The following DCAF17 variants were observed in gnomAD, a reference collection of about 807,000 sequenced individuals.
DCAF17 encodes DDB1 and CUL4 associated factor 17.
In DCAF17, 48 loss-of-function variants were observed where a neutral mutation model predicts 66.0. That is an observed-to-expected ratio of 0.73 (90% confidence interval 0.58 to 0.92). The LOEUF (loss-of-function observed/expected upper bound fraction) is 0.92, where lower values mean the gene tolerates loss of function less well. DCAF17 is among the 40% of genes least tolerant of loss of function. DCAF17 has a pLI of 0.00. For synonymous variants in DCAF17, 206 were observed against 214.6 expected (o/e 0.96, Z 0.35); for missense variants, 562 against 622.8 (o/e 0.90, Z 1.04).
At chr2:171,472,832 A>G in intron 9 of DCAF17, 1 of 272,532 alleles carries the variant, frequency 3.7e-6, no homozygotes, top group Non-Finnish European at 7.8e-6. Context: ...ACTCATGAAT[A>G]TCTAGTAGGA....
intron 9 of DCAF17, among the ~76,000 whole-genome samples, chr2:171,470,321 T>C (rs1404362062): frequency 6.6e-6 from 1 of 152,200 alleles, no homozygotes; most frequent in Non-Finnish European, 1.5e-5. Context: ...GTTCAGCTTA[T>C]GCTGACCTTG....
In DCAF17 at chr2:171,454,748, T is replaced by C. The variant is rs532354463; in HGVS notation, c.627+1535T>C. Among the ~76,000 whole-genome samples, 125 of 152,030 alleles carry C rather than the reference T, an allele frequency of 8.2e-4. No homozygotes were observed. The South Asian group carries it at 0.026, about 31-fold the overall frequency. On this transcript the variant is annotated intron_variant, in intron 6 of 13. Transcript: ENST00000375255. ...CCCGTCTCTACTAAAAATATAAAAATTAGCCACGGGTGGTAGTGCACACCT... is the reference window on the plus strand; with the variant it reads ...CCCGTCTCTACTAAAAATATAAAAACTAGCCACGGGTGGTAGTGCACACCT...
In DCAF17 at chr2:171,434,434, C is replaced by T; in HGVS notation, c.-144C>T. The stretch of plus-strand genomic sequence containing the variant: ...TCGCCCCGCCGTCGGGTGCTCCCTG[C>T]CCGCCTCCCCGTGTCAGCTTTCCCT... On this transcript the variant is annotated 5_prime_UTR_variant, in exon 1 of 14. Coordinates refer to ENST00000375255, the MANE Select transcript of DCAF17 (RefSeq NM_025000.4). 3.5e-6 allele frequency: 5 copies of T among 1,420,070 alleles called. No individual in the cohort carries two copies. The highest frequency in any genetic ancestry group is 2.5e-5 in the East Asian group (1 of 39,422). 88.0% of individuals were successfully genotyped at this position (1,420,070 alleles called of 1,614,324 possible).
chr2:171,447,368 C>CT (rs1694689609), intron 3 of DCAF17: 7 of 363,688 alleles, frequency 1.9e-5, no homozygotes, highest in Admixed American at 6.7e-5. Context: ...TTCTTTCTTT[C>CT]TTTTTTTCTT....
chr2:171,458,235 G>T, intron 7 of DCAF17, 137 bp from the exon 8 acceptor site: 1 of 1,015,530 alleles, frequency 9.8e-7, no homozygotes, highest in Non-Finnish European at 1.5e-6. Flanking sequence ...TTAAAGCAGG[G>T]GTGGGGAAGA....
At chr2:171,443,370 G>C in intron 2 of DCAF17, 153 bp from the exon 3 acceptor site, 1 of 589,574 alleles carries the variant, frequency 1.7e-6, no homozygotes, top group Non-Finnish European at 2.9e-6. Flanking sequence ...TGAATTATGT[G>C]ATCAGAAAAA....
chr2:171,475,212 T>C (rs1221208248), intron 10 of DCAF17, among the ~76,000 whole-genome samples: 2 of 152,224 alleles, frequency 1.3e-5, no homozygotes, highest in African/African-American at 4.8e-5. Flanking sequence ...CCAGCTTCAA[T>C]GTCACTTTTC....
rs184741043 is a variant in DCAF17 at position 171,481,568 on chromosome 2, A to G, written c.*454A>G. The G allele has an allele frequency of 1.5e-5, 7 of 454,032 alleles. No individual in the cohort carries two copies. The highest frequency in any genetic ancestry group is 2.6e-5 in the Non-Finnish European group (6 of 226,816). 28.1% of individuals were successfully genotyped at this position (454,032 alleles called of 1,614,324 possible). On this transcript the variant is annotated 3_prime_UTR_variant, in exon 14 of 14. Transcript: ENST00000375255. The stretch of plus-strand genomic sequence containing the variant: ...CCTCTATACCAAACTTTGCTTAAGG[A>G]TGAGAAATGAGATGTGTTATGTGAG...
At chr2:171,435,021 T>C in intron 1 of DCAF17, 62 bp from the exon 2 acceptor site, 1 of 1,341,692 alleles carries the variant, frequency 7.5e-7, no homozygotes. Flanking sequence ...GCTTTGAAAA[T>C]TTAAAATCTA....
intron 3 of DCAF17, among the ~76,000 whole-genome samples, chr2:171,446,851 A>T (rs1318532004): frequency 6.6e-6 from 1 of 152,220 alleles, no homozygotes; most frequent in Non-Finnish European, 1.5e-5. Context: ...TGAAATTTTA[A>T]TAAGATGTTT....
intron 2 of DCAF17, among the ~76,000 whole-genome samples, chr2:171,439,929 A>T (rs919183446): frequency 6.6e-6 from 1 of 151,756 alleles, no homozygotes; most frequent in East Asian, 1.9e-4. Flanking sequence ...GACTCAAAAA[A>T]GAAAACCCCA....
chr2:171,439,883 G>A (rs985590124), intron 2 of DCAF17, among the ~76,000 whole-genome samples: 2 of 152,134 alleles, frequency 1.3e-5, no homozygotes, highest in African/African-American at 2.4e-5. Flanking sequence ...AGTTGTGATT[G>A]CATGCCACTG....
chr2:171,473,885 A>C lies in DCAF17; in HGVS notation c.1001A>C (p.Glu334Ala). ...DNSLAKNGIQ[E>A]MDCCSLESDW... ...CTTCAGGCAAAAAATGGGATCCAAG[A>C]AATGGATTGTTGTTCTCTAGAATCT... The change falls in exon 10 of 14, where the codon GAA becomes GCA. Residue 334 changes from glutamate (E) to alanine (A), a missense_variant. By Grantham distance (107) the Glu-to-Ala change is moderately radical. Transcript: ENST00000375255. 1 of 1,613,746 alleles carries C rather than the reference A, an allele frequency of 6.2e-7. No individual in the cohort carries two copies. Among genetic ancestry groups the C allele is most frequent in the Non-Finnish European group, 8.5e-7 (1 of 1,179,790 alleles).
chr2:171,461,930 G>T (rs1235679037), intron 8 of DCAF17, among the ~76,000 whole-genome samples: 1 of 151,908 alleles, frequency 6.6e-6, no homozygotes, highest in Non-Finnish European at 1.5e-5. Context: ...TTTTGGTTTG[G>T]CTTCTTTCAC....
At chr2:171,439,489 T>C (rs1694166604) in intron 2 of DCAF17, among the ~76,000 whole-genome samples, 1 of 151,046 alleles carries the variant, frequency 6.6e-6, no homozygotes, top group Non-Finnish European at 1.5e-5. Context: ...TGTTTTTTGA[T>C]TTCTAGTATT....
intron 13 of DCAF17, 34 bp downstream of exon 13, chr2:171,480,227 C>G (rs1696679293): frequency 1.2e-6 from 2 of 1,609,464 alleles, no homozygotes; most frequent in African/African-American, 1.3e-5. Flanking sequence ...AAGTTGTAAA[C>G]CTTTCCTTTA....
At chr2:171,450,014 G>A in intron 5 of DCAF17, 57 bp downstream of exon 5, 3 of 1,404,336 alleles carry the variant, frequency 2.1e-6, no homozygotes, top group South Asian at 2.3e-5. Flanking sequence ...GAATTTGTCT[G>A]CAGATTTGTT....
chr2:171,448,739 A>G lies in DCAF17; in HGVS notation c.380A>G (p.His127Arg), dbSNP rs751154514. The stretch of plus-strand genomic sequence containing the variant: ...TCCTCACTCATAGCACTGACTGCTC[A>G]TAATTGGCTACTTCGTATATCAGCA... ...YKSSLIALTA[H>R]NWLLRISATT... Residue 127 changes from histidine to arginine, a missense_variant, in exon 4 of 14, where the codon CAT becomes CGT. His to Arg is a conservative substitution (Grantham distance 29). This residue lies in a region of DCAF17 where 348 missense variants were observed against 355.9 expected (regional missense o/e 0.98). Transcript: ENST00000375255. The G allele has an allele frequency of 1.2e-6, 2 of 1,613,366 alleles. No homozygotes were observed. The highest frequency in any genetic ancestry group is 1.7e-5 in the Admixed American group (1 of 59,988).
chr2:171,467,727 C>CG (rs773482982), intron 8 of DCAF17, among the ~76,000 whole-genome samples: 1,908 of 68,680 alleles, frequency 0.028, 86 homozygotes, highest in Non-Finnish European at 0.04. Flanking sequence ...GAGACTGTCT[C>CG]AAAAAAAAAA....
Sources: allele counts gnomAD v4.1 joint callset (sites outside exome capture counted in the v4.1 genomes callset), GRCh38; gene constraint gnomAD v4.1.1; regional missense constraint gnomAD v4.1.1; transcripts MANE v1.5; gene names NCBI Gene and HGNC (gene_info 2026-07-23, HGNC 2026-07-21).